Variants in THAP12 observed in about 807,000 individuals in gnomAD.
THAP12 encodes the protein 52 kDa repressor of the inhibitor of the protein kinase.
In THAP12, 20 loss-of-function variants were observed where a neutral mutation model predicts 63.0. The ratio of observed to expected loss-of-function variants is 0.32; its 90% CI spans 0.22 to 0.46. The LOEUF is 0.46. Ranked by LOEUF, THAP12 falls within the 20% of genes least tolerant of loss-of-function variation. The pLI, the probability that THAP12 is intolerant of heterozygous loss-of-function variation, is 1.00. For missense variants in THAP12, 568 were observed against 908.2 expected (o/e 0.63, Z 4.81); for synonymous variants, 264 against 328.4 (o/e 0.80, Z 2.12).
At chr11:76,362,233 T>C (rs1261184051) in intron 2 of THAP12, among the ~76,000 whole-genome samples, 1 of 152,258 alleles carries the variant, frequency 6.6e-6, no homozygotes, top group Non-Finnish European at 1.5e-5. Flanking sequence ...ACATACTTCA[T>C]TTAAATAAGC....
chr11:76,368,017 T>C (rs577180665), intron 1 of THAP12, among the ~76,000 whole-genome samples: 1 of 152,354 alleles, frequency 6.6e-6, no homozygotes, highest in African/African-American at 2.4e-5. Context: ...AATCCAAATA[T>C]TAAGTATAAA....
intron 3 of THAP12, chr11:76,356,933 T>A (rs1176223648): frequency 6.6e-6 from 1 of 152,024 alleles, no homozygotes; most frequent in Admixed American, 6.6e-5. Context: ...TCCCAGCTAC[T>A]CGGGGGGCTG....
intron 4 of THAP12, among the ~76,000 whole-genome samples, chr11:76,353,793 G>A (rs573724056): frequency 5.3e-5 from 8 of 152,306 alleles, no homozygotes; most frequent in African/African-American, 1.2e-4. Context: ...GGTGGATCAC[G>A]AGGTCAGGAG....
At chr11:76,362,645 C>A (rs766403146) in intron 2 of THAP12, among the ~76,000 whole-genome samples, 14 of 152,102 alleles carry the variant, frequency 9.2e-5, no homozygotes, top group African/African-American at 3.1e-4. Flanking sequence ...TCTTTCACAC[C>A]GAGCAAATGT....
chr11:76,360,721 C>T (rs1224035326), intron 3 of THAP12, among the ~76,000 whole-genome samples: 1 of 152,208 alleles, frequency 6.6e-6, no homozygotes, highest in Non-Finnish European at 1.5e-5. Flanking sequence ...ATTAACAGCA[C>T]ACTCTGGACC....
chr11:76,370,555 G>A (rs1006432629), intron 1 of THAP12, among the ~76,000 whole-genome samples: 6 of 151,932 alleles, frequency 3.9e-5, no homozygotes, highest in Non-Finnish European at 8.8e-5. Context: ...GTAGAGACGG[G>A]GTTTCACCAT....
chr11:76,372,656 C>A (rs117775904), intron 1 of THAP12, among the ~76,000 whole-genome samples: 5,911 of 150,444 alleles, frequency 0.039, 156 homozygotes, highest in Non-Finnish European at 0.06. Context: ...GAGGCCAAGG[C>A]AAGAGGATCA....
intron 1 of THAP12, among the ~76,000 whole-genome samples, chr11:76,366,756 CGTTT>C (rs1033667663): frequency 5.9e-5 from 9 of 151,808 alleles, no homozygotes; most frequent in African/African-American, 2.2e-4. Flanking sequence ...AGGCTGTATT[CGTTT>C]ATCTTCCTAT....
At chr11:76,370,328 AC>A (rs1350462391) in intron 1 of THAP12, among the ~76,000 whole-genome samples, 1 of 151,846 alleles carries the variant, frequency 6.6e-6, no homozygotes, top group Non-Finnish European at 1.5e-5. Context: ...AACATGATGT[AC>A]AGTTATCATT....
At chr11:76,373,488 G>C (rs1946688326) in intron 1 of THAP12, among the ~76,000 whole-genome samples, 1 of 151,954 alleles carries the variant, frequency 6.6e-6, no homozygotes, top group East Asian at 1.9e-4. Context: ...GGCTGAACAA[G>C]GGGGGAATGC....
chr11:76,357,422 C>T (rs1174397642), intron 3 of THAP12: 3 of 151,926 alleles, frequency 2.0e-5, no homozygotes, highest in Non-Finnish European at 4.4e-5. Flanking sequence ...CTAAGGATTT[C>T]TCAGAATTTA....
rs762026021 is a variant in THAP12, at chr11:76,372,701, T to C, written c.90-6729A>G. The stretch of plus-strand genomic sequence containing the variant: ...AGGAGTTCAAGACCAGCCTGGACAA[T>C]ATAGGGAGACCTTGTCTCTATAAAA... On this transcript the variant is annotated intron_variant, in intron 1 of 4. Coordinates refer to ENST00000260045, the MANE Select transcript of THAP12 (RefSeq NM_004705.4). Among the ~76,000 whole-genome samples, 8 of 151,442 alleles carry C rather than the reference T, an allele frequency of 5.3e-5. No homozygotes were observed. The South Asian group carries it at 1.7e-3, about 32-fold the overall frequency.
At chr11:76,360,530 A>G (rs1946591412) in intron 3 of THAP12, among the ~76,000 whole-genome samples, 1 of 152,232 alleles carries the variant, frequency 6.6e-6, no homozygotes, top group Non-Finnish European at 1.5e-5. Context: ...TAAACCCTGT[A>G]CATATTTAAT....
chr11:76,379,874 T>C (rs1946739045), intron 1 of THAP12, among the ~76,000 whole-genome samples: 2 of 152,188 alleles, frequency 1.3e-5, no homozygotes, highest in Non-Finnish European at 2.9e-5. Context: ...ATTGAACTAA[T>C]TAATAAATAA....
intron 2 of THAP12, among the ~76,000 whole-genome samples, chr11:76,363,239 G>C (rs1946609647): frequency 6.6e-6 from 1 of 152,158 alleles, no homozygotes; most frequent in African/African-American, 2.4e-5. Flanking sequence ...AAGTATCTCA[G>C]TATCAAGATT....
rs1483775850 is a variant in THAP12, at chr11:76,351,955, A to C, written c.1195T>G (p.Leu399Val). 2 of 1,603,146 alleles carry C rather than the reference A, an allele frequency of 1.2e-6. No homozygotes were observed. Among genetic ancestry groups the C allele is most frequent in the Non-Finnish European group, 1.7e-6 (2 of 1,176,972 alleles). Residue 399 changes from leucine to valine, a missense_variant, in exon 5 of 5, where the codon TTA becomes GTA. Coordinates refer to ENST00000260045, the MANE Select transcript of THAP12 (RefSeq NM_004705.4). ...ACAGAAATTACGTTGTCAAGTTCTA[A>C]AAGCAGTTGTGGTGATCGATGGAAA... Reference protein sequence around the residue: ...SFFHRSPQLLLELDNVISVLF... With the variant: ...SFFHRSPQLLVELDNVISVLF...
chr11:76,380,720 G>A (rs1463979548), intron 1 of THAP12, 28 bp downstream of exon 1: 6 of 1,390,386 alleles, frequency 4.3e-6, no homozygotes, highest in African/African-American at 1.5e-5. Context: ...GGTGGGCCCG[G>A]GCCGCCCGCT....
intron 2 of THAP12, among the ~76,000 whole-genome samples, chr11:76,363,882 A>C (rs1404454749): frequency 6.6e-6 from 1 of 152,228 alleles, no homozygotes; most frequent in African/African-American, 2.4e-5. Context: ...CTGGGATTAC[A>C]GGTGTGAGCT....
intron 4 of THAP12, 80 bp from the exon 5 acceptor site, chr11:76,352,874 T>C: frequency 1.4e-6 from 2 of 1,430,496 alleles, no homozygotes; most frequent in Non-Finnish European, 1.9e-6. Context: ...TTTGGTTAAA[T>C]ATTTAAAATC....
Sources: allele counts gnomAD v4.1 joint callset (sites outside exome capture counted in the v4.1 genomes callset), GRCh38; gene constraint gnomAD v4.1.1; transcripts MANE v1.5; gene names NCBI Gene and HGNC (gene_info 2026-07-23, HGNC 2026-07-21).